ADGRV1: variants seen among roughly 807,000 people sequenced by gnomAD.
The protein encoded by ADGRV1 is G-protein coupled receptor 98.
ADGRV1 carries 359 observed loss-of-function variants against 596.2 expected under a neutral mutation model. The observed-to-expected ratio is 0.60, with a 90% CI of 0.55 to 0.66. ADGRV1 has a LOEUF of 0.66. ADGRV1 is among the 30% of genes least tolerant of loss of function. The pLI, the probability that ADGRV1 is intolerant of heterozygous loss-of-function variation, is 0.00. For missense variants in ADGRV1, 7,274 were observed against 7,575.6 expected (o/e 0.96, Z 1.48); for synonymous variants, 2,681 against 2,679.2 (o/e 1.00, Z -0.02).
intron 10 of ADGRV1, among the ~76,000 whole-genome samples, chr5:90,637,115 T>C (rs909448560): frequency 1.3e-5 from 2 of 152,164 alleles, no homozygotes; most frequent in Admixed American, 1.3e-4. Context: ...ACTTGCCAAA[T>C]AGGGAATCAT....
chr5:90,569,415 T>TTTTTTTTTTTTTTC (rs1295993815), intron 1 of ADGRV1, among the ~76,000 whole-genome samples: 1 of 105,666 alleles, frequency 9.5e-6, no homozygotes, highest in African/African-American at 4.6e-5. Context: ...TTTTTTTTTT[T>TTTTTTTTTTTTTTC]CTCATTCTTA....
chr5:90,689,829 A>C, intron 29 of ADGRV1, 32 bp from the exon 30 acceptor site: 1 of 1,451,414 alleles, frequency 6.9e-7, no homozygotes, highest in South Asian at 1.2e-5. Flanking sequence ...CATATTTTAG[A>C]AGTCTTAACA....
chr5:90,630,154 C>T (rs1264976728), intron 9 of ADGRV1: 4 of 152,108 alleles, frequency 2.6e-5, no homozygotes, highest in Admixed American at 1.3e-4. Context: ...CCTGTCACCA[C>T]ACCTGGCTAA....
At chr5:90,679,128 T>G (rs1744614298) in intron 25 of ADGRV1, among the ~76,000 whole-genome samples, 1 of 152,160 alleles carries the variant, frequency 6.6e-6, no homozygotes, top group Non-Finnish European at 1.5e-5. Context: ...TTAGATGCAT[T>G]TCTCAATATT....
At chr5:90,763,575 G>T in intron 59 of ADGRV1, 106 bp downstream of exon 59, 2 of 1,116,608 alleles carry the variant, frequency 1.8e-6, no homozygotes, top group Non-Finnish European at 2.6e-6. Flanking sequence ...TTTGTTACAT[G>T]GGTATATTGC....
At chr5:90,878,512 G>A (rs1457713169) in intron 83 of ADGRV1, among the ~76,000 whole-genome samples, 1 of 152,138 alleles carries the variant, frequency 6.6e-6, no homozygotes, top group Admixed American at 6.5e-5. Context: ...TGTGATTCCC[G>A]AAACAGTCAC....
Position 91,006,348 on chromosome 5 carries a change from A to G in ADGRV1, c.18152+20826A>G, listed in dbSNP as rs138519833. 1.3e-4 allele frequency among the ~76,000 whole-genome samples: 20 copies of G among 152,326 alleles called. No homozygotes were observed. In the East Asian group the frequency reaches 3.9e-3, roughly 29 times the overall value. Reference sequence around the variant, plus strand: ...CAAAATTGCAAATCCAAAATTAGATACAAAAATGAATATTTGTAAAGAGAA... The same window carrying G: ...CAAAATTGCAAATCCAAAATTAGATGCAAAAATGAATATTTGTAAAGAGAA... On this transcript the variant is annotated intron_variant, in intron 85 of 89. Coordinates refer to ENST00000405460, the MANE Select transcript of ADGRV1 (RefSeq NM_032119.4).
At chr5:90,675,899 T>C (rs937450983) in intron 24 of ADGRV1, among the ~76,000 whole-genome samples, 181 bp from the exon 25 acceptor site, 3 of 152,366 alleles carry the variant, frequency 2.0e-5, no homozygotes, top group African/African-American at 7.2e-5. Flanking sequence ...AGAATTTACA[T>C]TGAACATTAT....
At chr5:90,878,153 C>A (rs927938398) in intron 83 of ADGRV1, among the ~76,000 whole-genome samples, 1 of 152,134 alleles carries the variant, frequency 6.6e-6, no homozygotes, top group Non-Finnish European at 1.5e-5. Context: ...TAAATAGAAG[C>A]AAGTTTGAGA....
chr5:90,813,115 A>G (rs538577474), intron 74 of ADGRV1, among the ~76,000 whole-genome samples: 2 of 125,124 alleles, frequency 1.6e-5, no homozygotes, highest in Non-Finnish European at 3.3e-5. Flanking sequence ...CCTGGGCGAC[A>G]GAGTAAGACT....
chr5:90,645,524 A>G (rs1201259614), intron 15 of ADGRV1, among the ~76,000 whole-genome samples: 3 of 152,186 alleles, frequency 2.0e-5, no homozygotes, highest in African/African-American at 7.2e-5. Flanking sequence ...TTTATGACCC[A>G]TGCAGTTAAA....
intron 87 of ADGRV1, among the ~76,000 whole-genome samples, chr5:91,118,742 C>G (rs901310564): frequency 2.0e-5 from 3 of 152,084 alleles, no homozygotes; most frequent in Admixed American, 1.3e-4. Flanking sequence ...TTGAATTCCT[C>G]GAGCACTTTT....
chr5:91,054,940 T>A (rs190567571), intron 85 of ADGRV1, among the ~76,000 whole-genome samples: 1 of 152,336 alleles, frequency 6.6e-6, no homozygotes, highest in Admixed American at 6.5e-5. Flanking sequence ...AGTAGGTAAG[T>A]AATCTACATC....
chr5:91,080,578 G>A (rs998233662), intron 86 of ADGRV1, among the ~76,000 whole-genome samples: 11 of 107,216 alleles, frequency 1.0e-4, no homozygotes, highest in East Asian at 2.8e-4. Flanking sequence ...ACCCAGCTCC[G>A]CACACCCTGC....
intron 83 of ADGRV1, among the ~76,000 whole-genome samples, chr5:90,891,181 T>C (rs967063805): frequency 6.8e-6 from 1 of 147,876 alleles, no homozygotes; most frequent in Non-Finnish European, 1.5e-5. Context: ...TATTATAATA[T>C]ATATTATTTA....
At chr5:90,867,786 A>T (rs1768272931) in intron 83 of ADGRV1, among the ~76,000 whole-genome samples, 1 of 152,170 alleles carries the variant, frequency 6.6e-6, no homozygotes. Flanking sequence ...GCAGAGTAAG[A>T]TAGAGATGGT....
At chr5:91,101,975 G>A (rs1287523893) in intron 86 of ADGRV1, among the ~76,000 whole-genome samples, 1 of 152,182 alleles carries the variant, frequency 6.6e-6, no homozygotes, top group Non-Finnish European at 1.5e-5. Flanking sequence ...GCAGGTGGTA[G>A]TCTAGGAGAG....
chr5:90,648,732 T>G (rs1319198354), intron 17 of ADGRV1, among the ~76,000 whole-genome samples: 2 of 152,208 alleles, frequency 1.3e-5, no homozygotes, highest in Non-Finnish European at 2.9e-5. Context: ...TTTCTCTGCC[T>G]CTCATTTTTC....
intron 9 of ADGRV1, among the ~76,000 whole-genome samples, chr5:90,631,045 G>C (rs1170965251): frequency 3.3e-5 from 5 of 152,088 alleles, no homozygotes. Flanking sequence ...TAAACTTTTT[G>C]AGTCTTTGAG....
Sources: allele counts gnomAD v4.1 joint callset (sites outside exome capture counted in the v4.1 genomes callset), GRCh38; gene constraint gnomAD v4.1.1; transcripts MANE v1.5; gene names NCBI Gene and HGNC (gene_info 2026-07-23, HGNC 2026-07-21).